GALNT10: variants seen among roughly 807,000 people sequenced by gnomAD.
GALNT10 encodes polypeptide N-acetylgalactosaminyltransferase 10, also known as GalNAc transferase 10.
Under a neutral mutation model 75.0 loss-of-function variants are expected in GALNT10, and 41 were observed. The ratio of observed to expected loss-of-function variants is 0.55; its 90% confidence interval spans 0.43 to 0.71. The LOEUF (loss-of-function observed/expected upper bound fraction) is 0.71. Ranked by LOEUF, GALNT10 falls within the 30% of genes least tolerant of loss-of-function variation. The pLI is 0.00. For synonymous variants in GALNT10, 302 were observed against 313.0 expected (o/e 0.96, Z 0.37); for missense variants, 727 against 818.5 (o/e 0.89, Z 1.36).
At chr5:154,230,605 G>T (rs1033945475) in intron 1 of GALNT10, among the ~76,000 whole-genome samples, 2 of 152,234 alleles carry the variant, frequency 1.3e-5, no homozygotes, top group East Asian at 3.8e-4. Flanking sequence ...GGACTAGAGA[G>T]ATAACAGGTA....
Position 154,297,929 on chromosome 5 carries a change from C to A in GALNT10, c.263-12C>A. 1 of 1,611,490 alleles carries A rather than the reference C, an allele frequency of 6.2e-7. No homozygotes were observed. The highest frequency in any genetic ancestry group is 1.1e-5 in the South Asian group (1 of 90,948). ...CATCATTAGCAACATCGAATTTGCT[C>A]TTTGCTTCTAGGAAATGGAGAACAA... On this transcript the variant is annotated splice_polypyrimidine_tract_variant and intron_variant, in intron 2 of 11. Transcript: ENST00000297107.
intron 4 of GALNT10, among the ~76,000 whole-genome samples, chr5:154,346,852 T>C (rs1417888841): frequency 1.3e-5 from 2 of 152,064 alleles, no homozygotes; most frequent in Non-Finnish European, 2.9e-5. Flanking sequence ...CTGTGCCTGA[T>C]TGAGTAAAAC....
intron 1 of GALNT10, among the ~76,000 whole-genome samples, chr5:154,278,325 G>T (rs1182760379): frequency 6.6e-6 from 1 of 152,164 alleles, no homozygotes; most frequent in Non-Finnish European, 1.5e-5. Context: ...TTGTCTAGTG[G>T]GTGGGGGTAG....
intron 4 of GALNT10, among the ~76,000 whole-genome samples, chr5:154,362,771 A>G (rs992741817): frequency 1.3e-5 from 2 of 152,178 alleles, no homozygotes; most frequent in African/African-American, 4.8e-5. Context: ...TGGACAACTC[A>G]CTGTCTTATG....
At position 154,190,943 on chromosome 5, in the gene GALNT10, G is replaced by T; in HGVS notation, c.77G>T (p.Gly26Val). Residue 26 changes from glycine (G) to valine (V), a missense_variant, in exon 1 of 12, where the codon GGG becomes GTG. Gly to Val is a moderately radical substitution (Grantham distance 109, BLOSUM62 -3). Transcript: ENST00000297107. ...LAALVLLPNVGLWALYRERQP... is the reference protein window; with the variant it reads ...LAALVLLPNVVLWALYRERQP... ...GCCCTGGTCCTCCTGCCCAACGTGG[G>T]GCTTTGGGCGCTGTACCGCGAGCGG... is the stretch of plus-strand genomic sequence containing the variant. 6.6e-7 allele frequency: 1 copy of T among 1,509,900 alleles called. No individual in the cohort carries two copies. Among genetic ancestry groups the T allele is most frequent in the Non-Finnish European group, 8.8e-7 (1 of 1,131,532 alleles). 93.5% of individuals were successfully genotyped at this position (1,509,900 alleles called of 1,614,324 possible). A position where few individuals can be genotyped will look rare whatever the true frequency, so the allele number is the denominator to read the frequency against.
At chr5:154,344,509 C>T (rs1249474169) in intron 4 of GALNT10, among the ~76,000 whole-genome samples, 4 of 152,122 alleles carry the variant, frequency 2.6e-5, no homozygotes, top group Non-Finnish European at 5.9e-5. Flanking sequence ...TGCGCCTGGC[C>T]AATACATTTC....
chr5:154,396,574 G>A (rs1756023200), intron 7 of GALNT10, among the ~76,000 whole-genome samples: 1 of 152,174 alleles, frequency 6.6e-6, no homozygotes, highest in African/African-American at 2.4e-5. Context: ...TTTGGGTTCT[G>A]CCATTTATGC....
intron 1 of GALNT10, among the ~76,000 whole-genome samples, chr5:154,192,841 C>T (rs111446483): frequency 2.5e-4 from 38 of 152,178 alleles, no homozygotes; most frequent in African/African-American, 9.2e-4. Flanking sequence ...AGAAAGACCT[C>T]GTATTTCATT....
intron 4 of GALNT10, among the ~76,000 whole-genome samples, chr5:154,338,691 G>C (rs1359615265): frequency 6.6e-6 from 1 of 152,120 alleles, no homozygotes; most frequent in African/African-American, 2.4e-5. Flanking sequence ...TTGCATCCTG[G>C]TTTCTTTCAC....
In GALNT10 at chr5:154,258,244, G is replaced by A. The variant is rs551804020; in HGVS notation, c.160-36572G>A. 3.9e-5 allele frequency among the ~76,000 whole-genome samples: 6 copies of A among 152,234 alleles called. No homozygotes were observed. In the South Asian group the frequency reaches 1.0e-3, roughly 26 times the overall value. The stretch of plus-strand genomic sequence containing the variant: ...CTTTAGAGAAAAGTAGACCCAGAAT[G>A]TACTGAGAGCCTGTGTCTCCAAACT... On this transcript the variant is annotated intron_variant, in intron 1 of 11. Transcript: ENST00000297107.
intron 1 of GALNT10, among the ~76,000 whole-genome samples, chr5:154,243,943 C>T (rs1459794055): frequency 1.3e-5 from 2 of 152,200 alleles, no homozygotes; most frequent in African/African-American, 4.8e-5. Flanking sequence ...GCTTAGAGAG[C>T]TTCTTGGCCA....
chr5:154,342,225 C>G (rs894937186), intron 4 of GALNT10, among the ~76,000 whole-genome samples: 4 of 152,132 alleles, frequency 2.6e-5, no homozygotes, highest in African/African-American at 9.7e-5. Flanking sequence ...ATGAGCTAAA[C>G]GATGCAATGA....
chr5:154,417,035 AG>A lies in GALNT10; in HGVS notation c.*66del. On this transcript the variant is annotated 3_prime_UTR_variant, in exon 12 of 12. Transcript: ENST00000297107. ...CACTCACTGCAGACTTCCTCTTTCAAGGGAGGCAGGGCCCCTGTGGGCACTA... is the reference window on the plus strand; with the variant it reads ...CACTCACTGCAGACTTCCTCTTTCAAGGAGGCAGGGCCCCTGTGGGCACTA... 6.8e-7 allele frequency: 1 copy of A among 1,473,296 alleles called. No homozygotes were observed. Among genetic ancestry groups the A allele is most frequent in the Non-Finnish European group, 9.4e-7 (1 of 1,058,876 alleles). The allele number at this position is 1,473,296 out of a possible 1,614,324, so 91.3% of individuals were successfully genotyped here. A position where few individuals can be genotyped will look rare whatever the true frequency, so the allele number is the denominator to read the frequency against.
intron 4 of GALNT10, among the ~76,000 whole-genome samples, chr5:154,369,799 C>T (rs1265494014): frequency 2.0e-5 from 3 of 152,230 alleles, no homozygotes; most frequent in Admixed American, 2.0e-4. Context: ...AGCCAGAGAA[C>T]CAATGCTGGT....
At chr5:154,205,226 C>T (rs1237984443) in intron 1 of GALNT10, among the ~76,000 whole-genome samples, 2 of 152,194 alleles carry the variant, frequency 1.3e-5, no homozygotes, top group African/African-American at 2.4e-5. Context: ...CAAAGGACAC[C>T]GTTTCTCTTG....
chr5:154,276,818 G>A (rs555997865), intron 1 of GALNT10, among the ~76,000 whole-genome samples: 24 of 152,118 alleles, frequency 1.6e-4, no homozygotes, highest in Non-Finnish European at 2.5e-4. Flanking sequence ...TTTTGTAAGC[G>A]GAGCGGGGAT....
chr5:154,303,836 G>A (rs983506338), intron 3 of GALNT10, among the ~76,000 whole-genome samples: 2 of 152,176 alleles, frequency 1.3e-5, no homozygotes, highest in Non-Finnish European at 2.9e-5. Context: ...ATGCAAAAAA[G>A]TAGAGAAACA....
In GALNT10 at chr5:154,380,524, G is replaced by C; in HGVS notation, c.831G>C (p.Glu277Asp). Residue 277 changes from glutamate to aspartate, a missense_variant, in exon 6 of 12, where the codon GAG becomes GAC. By Grantham distance (45) the Glu-to-Asp change is conservative. Transcript: ENST00000297107. Reference sequence around the variant, plus strand: ...TTGACCATGACGACTTTCGGTACGAGACACAGGCAGGGGATGCCATGCGGG... The same window carrying C: ...TTGACCATGACGACTTTCGGTACGACACACAGGCAGGGGATGCCATGCGGG... ...DVIDHDDFRY[E>D]TQAGDAMRGA... is the part of the protein sequence containing the mutation. 6.2e-7 allele frequency: 1 copy of C among 1,614,002 alleles called. No homozygotes were observed. Among genetic ancestry groups the C allele is most frequent in the Middle Eastern group, 1.6e-4 (1 of 6,062 alleles).
chr5:154,280,010 G>T (rs962326074), intron 1 of GALNT10, among the ~76,000 whole-genome samples: 8 of 152,038 alleles, frequency 5.3e-5, no homozygotes, highest in Non-Finnish European at 8.8e-5. Flanking sequence ...ATCCACCTAA[G>T]TATCCATCAG....
Sources: gnomAD v4.1 joint callset for allele counts (sites outside exome capture counted in the v4.1 genomes callset) on GRCh38, gnomAD v4.1.1 for gene constraint, MANE v1.5 for transcripts, NCBI Gene and HGNC (gene_info 2026-07-23, HGNC 2026-07-21) for gene names.